Variants in ZBTB38 observed in about 807,000 individuals in gnomAD.
The protein encoded by ZBTB38 is zinc finger and BTB domain-containing protein 38.
Under a neutral mutation model 76.8 loss-of-function variants are expected in ZBTB38, and 20 were observed. The ratio of observed to expected loss-of-function variants is 0.26; its 90% CI spans 0.18 to 0.38. The LOEUF (loss-of-function observed/expected upper bound fraction) is 0.38. ZBTB38 is among the 10% of genes least tolerant of loss of function. The pLI is 1.00. For missense variants in ZBTB38, 1,082 were observed against 1,482.3 expected (o/e 0.73, Z 4.43); for synonymous variants, 504 against 544.2 (o/e 0.93, Z 1.03).
intron 4 of ZBTB38, among the ~76,000 whole-genome samples, chr3:141,393,818 C>T (rs1480386868): frequency 6.6e-6 from 1 of 152,138 alleles, no homozygotes; most frequent in Non-Finnish European, 1.5e-5. Context: ...ACCTTAAATG[C>T]AGGTTGCAGG....
intron 1 of ZBTB38, among the ~76,000 whole-genome samples, chr3:141,338,686 A>G (rs1943085012): frequency 6.6e-6 from 1 of 152,166 alleles, no homozygotes; most frequent in African/African-American, 2.4e-5. Flanking sequence ...AAAACTTCCT[A>G]TCAGGTACTA....
rs369931161 is a variant in ZBTB38, at chr3:141,426,558, A to G, written c.1-15831A>G. 9.2e-5 allele frequency among the ~76,000 whole-genome samples: 14 copies of G among 152,304 alleles called. No homozygotes were observed. The East Asian group carries it at 1.5e-3, about 17-fold the overall frequency. On this transcript the variant is annotated intron_variant, in intron 5 of 5. Coordinates refer to ENST00000321464, the MANE Select transcript of ZBTB38 (RefSeq NM_001376113.1). ...GGGGAGGGAGCAGACGCCAGAAGGA[A>G]GTGACCGGTGAATGCAGGGTGGAAA...
intron 1 of ZBTB38, among the ~76,000 whole-genome samples, chr3:141,356,538 T>G (rs1238786906): frequency 6.6e-6 from 1 of 152,104 alleles, no homozygotes. Context: ...TAACCTTACA[T>G]GAAAGCCTCA....
chr3:141,344,869 C>A (rs1332590192), intron 1 of ZBTB38, among the ~76,000 whole-genome samples: 1 of 152,210 alleles, frequency 6.6e-6, no homozygotes, highest in East Asian at 1.9e-4. Context: ...GCCTCTCTTG[C>A]CATGGAAGGT....
In ZBTB38 at chr3:141,424,304, C is replaced by T. The variant is rs891690370; in HGVS notation, c.1-18085C>T. Among the ~76,000 whole-genome samples the T allele has an allele frequency of 9.9e-5, 15 of 152,070 alleles. 1 individual carries two copies. Among genetic ancestry groups the T allele is most frequent in the East Asian group, 1.9e-4 (1 of 5,190 alleles). The stretch of plus-strand genomic sequence containing the variant: ...GAGGCCAAAGCCAGAGGATCACTTA[C>T]GCCCAGGAGTTCAAGACCAGTCTAG... On this transcript the variant is annotated intron_variant, in intron 5 of 5. Coordinates refer to ENST00000321464, the MANE Select transcript of ZBTB38 (RefSeq NM_001376113.1).
chr3:141,393,610 C>G (rs1395136504), intron 4 of ZBTB38, among the ~76,000 whole-genome samples: 2 of 152,050 alleles, frequency 1.3e-5, no homozygotes, highest in African/African-American at 4.8e-5. Context: ...AAATGGGGAG[C>G]TGGCTGTAGA....
At chr3:141,352,618 A>G (rs1404314228) in intron 1 of ZBTB38, among the ~76,000 whole-genome samples, 1 of 152,074 alleles carries the variant, frequency 6.6e-6, no homozygotes, top group Admixed American at 6.5e-5. Context: ...GAACTGGGGG[A>G]GAACTTAAAG....
At chr3:141,416,757 G>C (rs1258519217) in intron 5 of ZBTB38, among the ~76,000 whole-genome samples, 1 of 152,216 alleles carries the variant, frequency 6.6e-6, no homozygotes, top group African/African-American at 2.4e-5. Context: ...AGAGACACTT[G>C]TAGAAAGGAG....
chr3:141,403,506 G>A (rs1318493924), intron 4 of ZBTB38, among the ~76,000 whole-genome samples: 1 of 152,210 alleles, frequency 6.6e-6, no homozygotes, highest in Non-Finnish European at 1.5e-5. Context: ...AACGTGCATT[G>A]CACATAGTAA....
chr3:141,426,054 A>C, intron 5 of ZBTB38: 1 of 1,035,672 alleles, frequency 9.7e-7, no homozygotes, highest in South Asian at 1.3e-5. Context: ...CCTCCTGTCA[A>C]ATGATGTCAC....
chr3:141,410,702 A>G (rs889186581), intron 5 of ZBTB38, among the ~76,000 whole-genome samples: 1 of 152,190 alleles, frequency 6.6e-6, no homozygotes, highest in African/African-American at 2.4e-5. Context: ...TAGTCAAGCA[A>G]ATTTATTTTT....
chr3:141,390,679 T>G (rs968890272), intron 4 of ZBTB38, among the ~76,000 whole-genome samples: 1 of 152,218 alleles, frequency 6.6e-6, no homozygotes, highest in African/African-American at 2.4e-5. Context: ...AACAGCTCCT[T>G]TCCAAGGGAA....
At chr3:141,346,160 T>A (rs1371078279) in intron 1 of ZBTB38, among the ~76,000 whole-genome samples, 1 of 151,888 alleles carries the variant, frequency 6.6e-6, no homozygotes, top group East Asian at 1.9e-4. Context: ...CCTCAGAGAG[T>A]CTCCACCCTG....
At position 141,448,025 on chromosome 3, in the gene ZBTB38, C is replaced by T. The variant is rs2081224575; in HGVS notation, c.*2049C>T. The T allele has an allele frequency of 6.6e-6, 1 of 152,614 alleles. No individual in the cohort carries two copies. Among genetic ancestry groups the T allele is most frequent in the South Asian group, 2.1e-4 (1 of 4,834 alleles). 9.5% of individuals were successfully genotyped at this position (152,614 alleles called of 1,614,324 possible). A position where few individuals can be genotyped will look rare whatever the true frequency, so the allele number is the denominator to read the frequency against. On this transcript the variant is annotated 3_prime_UTR_variant, in exon 6 of 6. Transcript: ENST00000321464. ...ATAGTCACAAAGGGCTTACGAAAATCATTTTTGAATTGATAATTAGAATAT... is the reference window on the plus strand; with the variant it reads ...ATAGTCACAAAGGGCTTACGAAAATTATTTTTGAATTGATAATTAGAATAT...
chr3:141,381,308 G>C (rs1006296392), intron 2 of ZBTB38, 117 bp from the exon 3 acceptor site: 1 of 152,264 alleles, frequency 6.6e-6, no homozygotes, highest in Non-Finnish European at 1.5e-5. Context: ...CAGAGGATTT[G>C]AGTTGGGTTA....
At chr3:141,364,853 A>C (rs567971547), upstream of ZBTB38, among the ~76,000 whole-genome samples, 1 of 152,280 alleles carries the variant, frequency 6.6e-6, no homozygotes, top group Non-Finnish European at 1.5e-5. Flanking sequence ...ATCACATTGT[A>C]CCCACTAGGA....
rs1239777140 is a variant in ZBTB38, at chr3:141,443,202, C to A, written c.814C>A (p.Pro272Thr). 6.2e-7 allele frequency: 1 copy of A among 1,614,210 alleles called. No individual in the cohort carries two copies. Among genetic ancestry groups the A allele is most frequent in the Non-Finnish European group, 8.5e-7 (1 of 1,180,040 alleles). ...TCRKPKTFSIPQDSDSATENI... is the reference protein window; with the variant it reads ...TCRKPKTFSITQDSDSATENI... ...CCGGAAGCCAAAGACATTCTCCATACCACAGGATTCGGATTCAGCCACAGA... is the reference window on the plus strand; with the variant it reads ...CCGGAAGCCAAAGACATTCTCCATAACACAGGATTCGGATTCAGCCACAGA... Residue 272 changes from proline (P) to threonine (T), a missense_variant, in exon 6 of 6, where the codon CCA (proline) becomes ACA (threonine). Pro to Thr is a conservative substitution (Grantham distance 38). Coordinates refer to ENST00000321464, the MANE Select transcript of ZBTB38 (RefSeq NM_001376113.1). The surrounding 1 kb of genome is among the most constrained non-coding windows in gnomAD (Gnocchi z 5.6).
Position 141,449,075 on chromosome 3 carries a change from C to T in ZBTB38, c.*3099C>T, listed in dbSNP as rs1336921764. 6.6e-6 allele frequency: 1 copy of T among 152,176 alleles called. No homozygotes were observed. Among genetic ancestry groups the T allele is most frequent in the East Asian group, 1.9e-4 (1 of 5,204 alleles). The allele number at this position is 152,176 out of a possible 1,614,324, so 9.4% of individuals were successfully genotyped here. A position where few individuals can be genotyped will look rare whatever the true frequency, so the allele number is the denominator to read the frequency against. ...AGGCTATTTCATTAACACACACGCA[C>T]CAGAATTCGACCTCATTATCCTCGT... On this transcript the variant is annotated 3_prime_UTR_variant, in exon 6 of 6. Transcript: ENST00000321464.
chr3:141,398,702 A>G (rs150175286), intron 4 of ZBTB38, among the ~76,000 whole-genome samples: 2 of 152,278 alleles, frequency 1.3e-5, no homozygotes, highest in East Asian at 3.9e-4. Flanking sequence ...TTTTGAAATA[A>G]AAGTTTTAGA....
Sources: gnomAD v4.1 joint callset for allele counts (sites outside exome capture counted in the v4.1 genomes callset) on GRCh38, gnomAD v4.1.1 for gene constraint, Gnocchi (gnomAD v3.1) non-coding constraint, MANE v1.5 for transcripts, NCBI Gene and HGNC (gene_info 2026-07-23, HGNC 2026-07-21) for gene names.